JMJD1C: variants seen among roughly 807,000 people sequenced by gnomAD.
JMJD1C encodes jumonji domain-containing protein 1C.
JMJD1C carries 31 observed loss-of-function variants against 245.3 expected under a neutral mutation model. The ratio of observed to expected loss-of-function variants is 0.13; its 90% CI spans 0.09 to 0.17. The LOEUF (loss-of-function observed/expected upper bound fraction) is 0.17. Ranked by LOEUF, JMJD1C falls within the 10% of genes least tolerant of loss-of-function variation. The pLI is 1.00. For synonymous variants in JMJD1C, 1,057 were observed against 1,017.4 expected (o/e 1.04, Z -0.74); for missense variants, 2,691 against 3,000.2 (o/e 0.90, Z 2.41).
chr10:63,381,448 G>C (rs1947207539), intron 1 of JMJD1C, among the ~76,000 whole-genome samples: 1 of 152,134 alleles, frequency 6.6e-6, no homozygotes, highest in Admixed American at 6.5e-5. Context: ...AGGAATTTGA[G>C]GCTACAGTGA....
intron 3 of JMJD1C, among the ~76,000 whole-genome samples, chr10:63,253,741 C>T (rs921409806): frequency 3.9e-5 from 6 of 152,070 alleles, no homozygotes; most frequent in Non-Finnish European, 5.9e-5. Context: ...ATTTAACCAA[C>T]CGTGATGTCC....
intron 1 of JMJD1C, among the ~76,000 whole-genome samples, chr10:63,492,789 T>C (rs1015205563): frequency 6.6e-6 from 1 of 152,174 alleles, no homozygotes; most frequent in African/African-American, 2.4e-5. Flanking sequence ...ATTACACTTT[T>C]TAATATGCCA....
chr10:63,455,715 C>T (rs1220455927), intron 1 of JMJD1C, among the ~76,000 whole-genome samples: 2 of 151,964 alleles, frequency 1.3e-5, no homozygotes, highest in Non-Finnish European at 2.9e-5. Flanking sequence ...TTAAATAAAA[C>T]TGATAAAATC....
At position 63,215,296 on chromosome 10, in the gene JMJD1C, T is replaced by C; in HGVS notation, c.982A>G (p.Lys328Glu). 9 of 1,613,006 alleles carry C rather than the reference T, an allele frequency of 5.6e-6. No homozygotes were observed. Among genetic ancestry groups the C allele is most frequent in the Non-Finnish European group, 7.6e-6 (9 of 1,179,834 alleles). The change falls in exon 7 of 26, where the codon AAG becomes GAG. Residue 328 changes from lysine (K) to glutamate (E), a missense_variant. Around this residue, in one of 9 missense-constraint regions of JMJD1C, gnomAD observed 1,562 missense variants for 1,490.7 expected, o/e 1.05. Coordinates refer to ENST00000399262, the MANE Select transcript of JMJD1C (RefSeq NM_032776.3). ...DSSIPDEEKM[K>E]EEKYDYISRG... ...GATATATAATCATATTTTTCCTCCT[T>C]CATCTTCTCTTCATCTGGTATACTG...
At chr10:63,428,719 C>T (rs1030950117) in intron 1 of JMJD1C, among the ~76,000 whole-genome samples, 2 of 152,008 alleles carry the variant, frequency 1.3e-5, no homozygotes, top group Admixed American at 6.6e-5. Context: ...ACAATAAGGG[C>T]AAGAAAGTAA....
intron 24 of JMJD1C, among the ~76,000 whole-genome samples, chr10:63,168,833 T>C (rs1842080341): frequency 6.6e-6 from 1 of 152,080 alleles, no homozygotes; most frequent in African/African-American, 2.4e-5. Flanking sequence ...GAGAGGCTGA[T>C]AACCAGATAT....
chr10:63,290,742 G>A (rs905621372), intron 2 of JMJD1C, among the ~76,000 whole-genome samples: 1 of 152,044 alleles, frequency 6.6e-6, no homozygotes, highest in Non-Finnish European at 1.5e-5. Context: ...CAAAATGCTT[G>A]CAATTTTGCT....
intron 2 of JMJD1C, among the ~76,000 whole-genome samples, chr10:63,372,777 C>T (rs945983460): frequency 6.6e-6 from 1 of 152,226 alleles, no homozygotes; most frequent in African/African-American, 2.4e-5. Flanking sequence ...GGAAGACAGA[C>T]ATGCAAACAA....
intron 3 of JMJD1C, among the ~76,000 whole-genome samples, chr10:63,248,767 G>C (rs1010658590): frequency 1.3e-5 from 2 of 152,122 alleles, no homozygotes; most frequent in Non-Finnish European, 2.9e-5. Flanking sequence ...CAAAGAGATA[G>C]CTGCATTTCT....
chr10:63,333,258 G>A lies in JMJD1C; in HGVS notation c.333+47060C>T, dbSNP rs919396532. ...CAATATCCATTCTCCTATTTCTTGC[G>A]TATGAGAAAGGCAGGGCTGGGTGTG... On this transcript the variant is annotated intron_variant, in intron 2 of 25. Coordinates refer to ENST00000399262, the MANE Select transcript of JMJD1C (RefSeq NM_032776.3). 1.3e-4 allele frequency among the ~76,000 whole-genome samples: 20 copies of A among 152,156 alleles called. 1 individual carries two copies. Among genetic ancestry groups the A allele is most frequent in the East Asian group, 3.9e-4 (2 of 5,184 alleles).
intron 2 of JMJD1C, 89 bp downstream of exon 2, chr10:63,380,229 T>A (rs1282206818): frequency 7.6e-7 from 1 of 1,317,902 alleles, no homozygotes; most frequent in Non-Finnish European, 1.1e-6. Flanking sequence ...CAGGTGTCAG[T>A]CACCAAACCT....
chr10:63,214,409 A>G lies in JMJD1C; in HGVS notation c.1758T>C (p.Asn586=), dbSNP rs749975870. Residue 586 remains asparagine, a synonymous_variant, in exon 8 of 26, where the codon AAT becomes AAC. Coordinates refer to ENST00000399262, the MANE Select transcript of JMJD1C (RefSeq NM_032776.3). ...QSSVTNASSG[N]DHLNMEKEKY... ...TCTCTTTTTCCATGTTCAAGTGATC[A>G]TTTCCTGAAGAAGCATTTGTAACAC... 6.2e-7 allele frequency: 1 copy of G among 1,613,924 alleles called. No individual in the cohort carries two copies. The highest frequency in any genetic ancestry group is 1.1e-5 in the South Asian group (1 of 91,084).
At chr10:63,268,206 A>G (rs896202018) in intron 2 of JMJD1C, among the ~76,000 whole-genome samples, 5 of 146,036 alleles carry the variant, frequency 3.4e-5, no homozygotes, top group Non-Finnish European at 6.0e-5. Flanking sequence ...CCTAAGCAAC[A>G]TTTTAGAAGT....
chr10:63,517,062 A>C (rs1392333129), intron 1 of JMJD1C, among the ~76,000 whole-genome samples: 1 of 152,196 alleles, frequency 6.6e-6, no homozygotes, highest in African/African-American at 2.4e-5. Context: ...AGACAGACTC[A>C]TTTAGTAATT....
intron 3 of JMJD1C, among the ~76,000 whole-genome samples, chr10:63,246,498 T>C (rs945890381): frequency 5.9e-5 from 9 of 152,066 alleles, no homozygotes; most frequent in Admixed American, 3.3e-4. Context: ...AAAGCTATAC[T>C]TCAAATAAAA....
intron 3 of JMJD1C, among the ~76,000 whole-genome samples, chr10:63,224,301 G>T (rs1237621884): frequency 6.6e-6 from 1 of 151,998 alleles, no homozygotes; most frequent in Non-Finnish European, 1.5e-5. Flanking sequence ...GTTTTAATAA[G>T]ATTTTTTCTT....
chr10:63,220,030 A>G, intron 3 of JMJD1C, 47 bp from the exon 4 acceptor site: 1 of 1,387,510 alleles, frequency 7.2e-7, no homozygotes, highest in Non-Finnish European at 1.0e-6. Flanking sequence ...CTCTCCTACC[A>G]TTAATGTTAC....
chr10:63,189,204 A>G lies in JMJD1C; in HGVS notation c.6534T>C (p.Asn2178=). ...TCCAACATTCTTTGAAAAGCTTCCA[A>G]TTACTGCTATTCTTATAATCCTTAA... The part of the protein sequence containing the change: ...LWLKDYKNSS[N]WKLFKECWKQ... Residue 2178 remains asparagine (N), a synonymous_variant, in exon 18 of 26, where the codon AAT becomes AAC. Coordinates refer to ENST00000399262, the MANE Select transcript of JMJD1C (RefSeq NM_032776.3). 4 of 1,611,016 alleles carry G rather than the reference A, an allele frequency of 2.5e-6. No individual in the cohort carries two copies. Among genetic ancestry groups the G allele is most frequent in the Non-Finnish European group, 3.4e-6 (4 of 1,178,864 alleles).
At chr10:63,238,199 A>AAAAG (rs1851017602) in intron 3 of JMJD1C, among the ~76,000 whole-genome samples, 3 of 150,514 alleles carry the variant, frequency 2.0e-5, no homozygotes, top group South Asian at 4.2e-4. Flanking sequence ...AAAAAAAGAA[A>AAAAG]AAAAGGAAGG....
Sources: allele counts gnomAD v4.1 joint callset (sites outside exome capture counted in the v4.1 genomes callset), GRCh38; gene constraint gnomAD v4.1.1; regional missense constraint gnomAD v4.1.1; transcripts MANE v1.5; gene names NCBI Gene and HGNC (gene_info 2026-07-23, HGNC 2026-07-21).